Variants in PRPF6 observed in about 807,000 individuals in gnomAD.
PRPF6 encodes pre-mRNA processing factor 6.
In PRPF6, 42 loss-of-function variants were observed where a neutral mutation model predicts 118.3. The observed-to-expected ratio is 0.35, with a 90% CI of 0.28 to 0.46. The LOEUF is 0.46. Among genes scored for constraint, PRPF6 ranks in the 20% least tolerant of loss-of-function variants. The pLI, the probability that PRPF6 is intolerant of heterozygous loss-of-function variation, is 1.00. For synonymous variants in PRPF6, 481 were observed against 485.1 expected (o/e 0.99, Z 0.11); for missense variants, 662 against 1,255.7 (o/e 0.53, Z 7.15).
chr20:64,001,232 T>C lies in PRPF6; in HGVS notation c.1179T>C (p.Leu393=), dbSNP rs144549836. 7 of 1,614,102 alleles carry C rather than the reference T, an allele frequency of 4.3e-6. No homozygotes were observed. In the African/African-American group the frequency reaches 8.0e-5, roughly 18 times the overall value. ...ETDIRAKKRV[L]RKALEHVPNS... is the part of the protein sequence containing the mutation. ...ACATTCGTGCAAAGAAGCGGGTTCT[T>C]CGGAAAGGTGAGCCTCCCTCGGAGG... Residue 393 remains leucine, a synonymous_variant, in exon 9 of 21, where the codon CTT becomes CTC. Transcript: ENST00000266079.
Position 64,026,914 on chromosome 20 carries a change from A to T in PRPF6, c.2029-68A>T. 4 of 1,541,250 alleles carry T rather than the reference A, an allele frequency of 2.6e-6. No individual in the cohort carries two copies. The highest frequency in any genetic ancestry group is 3.6e-6 in the Non-Finnish European group (4 of 1,115,026). On this transcript the variant is annotated intron_variant, in intron 15 of 20. Coordinates refer to ENST00000266079, the MANE Select transcript of PRPF6 (RefSeq NM_012469.4). This position sits in a 1 kb window ranked among gnomAD's most constrained non-coding sequence, Gnocchi z 4.4. Reference sequence around the variant, plus strand: ...AGTACTGCAGGTAACAGTGTTGAGGATGAGTGTACCATGAAGCACGTACCC... The same window carrying T: ...AGTACTGCAGGTAACAGTGTTGAGGTTGAGTGTACCATGAAGCACGTACCC...
At chr20:63,995,743 A>G (rs915870110) in intron 6 of PRPF6, among the ~76,000 whole-genome samples, 11 of 149,722 alleles carry the variant, frequency 7.3e-5, no homozygotes, top group Admixed American at 5.3e-4. Context: ...TGCAACCTCC[A>G]CCTCCTGGGT....
rs1401717453 is a variant in PRPF6 at position 64,002,528 on chromosome 20, G to GT, written c.1186+1292dup. Among the ~76,000 whole-genome samples, 5 of 151,396 alleles carry GT rather than the reference G, an allele frequency of 3.3e-5. No homozygotes were observed. The East Asian group carries it at 9.7e-4, about 29-fold the overall frequency. On this transcript the variant is annotated intron_variant, in intron 9 of 20. Transcript: ENST00000266079. ...TTTTTGTATTTTTAGTAGAGATGGGGTTTCCCCATGTTGGCCGGGCTGGTC... is the reference window on the plus strand; with the variant it reads ...TTTTTGTATTTTTAGTAGAGATGGGGTTTTCCCCATGTTGGCCGGGCTGGTC...
At position 64,026,027 on chromosome 20, in the gene PRPF6, C is replaced by T. The variant is rs1472701137; in HGVS notation, c.1997C>T (p.Ala666Val). The T allele has an allele frequency of 1.2e-6, 2 of 1,609,566 alleles. No individual in the cohort carries two copies. Among genetic ancestry groups the T allele is most frequent in the Non-Finnish European group, 1.7e-6 (2 of 1,179,962 alleles). ...TACGAGCGGGCCCGGAGGCTGCTGG[C>T]CAAGGCGCGGAGCAGTGCCCCCACC... ...DEYERARRLLAKARSSAPTAR... is the reference protein window; with the variant it reads ...DEYERARRLLVKARSSAPTAR... The change falls in exon 15 of 21, where the codon GCC becomes GTC. Residue 666 changes from alanine to valine, a missense_variant. Ala to Val is a moderately conservative substitution (Grantham distance 64, BLOSUM62 0). This residue lies in a region of PRPF6 where 244 missense variants were observed against 383.7 expected (regional missense o/e 0.64). Coordinates refer to ENST00000266079, the MANE Select transcript of PRPF6 (RefSeq NM_012469.4). The surrounding 1 kb of genome is among the most constrained non-coding windows in gnomAD (Gnocchi z 4.4).
intron 9 of PRPF6, among the ~76,000 whole-genome samples, chr20:64,005,446 AAAC>A (rs1313774784): frequency 1.3e-5 from 2 of 152,158 alleles, no homozygotes; most frequent in East Asian, 3.8e-4. Context: ...CGCACAGGAA[AAAC>A]AACTGGGTCG....
intron 9 of PRPF6, among the ~76,000 whole-genome samples, chr20:64,008,908 T>C (rs1041756264): frequency 1.3e-5 from 2 of 152,222 alleles, no homozygotes; most frequent in Non-Finnish European, 2.9e-5. Flanking sequence ...CTCTGATCAT[T>C]GTCCAGTGGA....
At chr20:63,993,784 C>T (rs1218003556) in intron 4 of PRPF6, among the ~76,000 whole-genome samples, 1 of 151,076 alleles carries the variant, frequency 6.6e-6, no homozygotes, top group African/African-American at 2.4e-5. Flanking sequence ...CAGTCTGGCT[C>T]TGTTGCCCTG....
chr20:64,019,138 A>G (rs1448776253), intron 12 of PRPF6, among the ~76,000 whole-genome samples: 1 of 126,276 alleles, frequency 7.9e-6, no homozygotes, highest in Non-Finnish European at 1.6e-5. Context: ...TCTGTCTCCT[A>G]GGCTGGATGG....
chr20:64,030,834 TCCGTTTGGCAA>T (rs1219165893), intron 19 of PRPF6, among the ~76,000 whole-genome samples: 2 of 152,214 alleles, frequency 1.3e-5, no homozygotes, highest in African/African-American at 2.4e-5. Context: ...GTGAAATTAT[TCCGTTTGGCAA>T]CTGAGACGAA....
intron 8 of PRPF6, among the ~76,000 whole-genome samples, chr20:63,999,997 G>T (rs2059159419): frequency 6.6e-6 from 1 of 150,696 alleles, no homozygotes; most frequent in African/African-American, 2.4e-5. Context: ...TGTCACCCAG[G>T]CTGGAGTGCA....
Position 63,993,464 on chromosome 20 carries a change from A to G in PRPF6, c.417A>G (p.Gln139=), listed in dbSNP as rs151262895. ...EKYRMERPKI[Q]QQFSDLKRKL... ...ATCGTATGGAACGCCCCAAAATCCAACAGCAGTTCTCAGACCTCAAGGTGA... is the reference window on the plus strand; with the variant it reads ...ATCGTATGGAACGCCCCAAAATCCAGCAGCAGTTCTCAGACCTCAAGGTGA... Residue 139 remains glutamine (Q), a synonymous_variant, in exon 4 of 21, where the codon CAA becomes CAG. Transcript: ENST00000266079. The G allele has an allele frequency of 1.7e-4, 270 of 1,612,788 alleles. 1 individual carries two copies. The highest frequency in any genetic ancestry group is 2.2e-4 in the Non-Finnish European group (254 of 1,179,134).
chr20:64,031,375 ATTT>A (rs2059312991), intron 19 of PRPF6, among the ~76,000 whole-genome samples: 7 of 152,204 alleles, frequency 4.6e-5, no homozygotes, highest in Admixed American at 4.6e-4. Flanking sequence ...CTGCGTGTGA[ATTT>A]TTTAAGAAAC....
intron 3 of PRPF6, among the ~76,000 whole-genome samples, chr20:63,988,302 G>C (rs910571187): frequency 6.9e-6 from 1 of 144,408 alleles, no homozygotes; most frequent in African/African-American, 2.6e-5. Context: ...CCTGAGTGAC[G>C]GGGCAAGACT....
intron 9 of PRPF6, among the ~76,000 whole-genome samples, chr20:64,007,667 A>C (rs1298611219): frequency 6.6e-6 from 1 of 151,372 alleles, no homozygotes; most frequent in East Asian, 1.9e-4. Flanking sequence ...GGGTTTCGCC[A>C]TGTTGTCCAG....
rs1246773533 is a variant in PRPF6, at chr20:63,984,975, T to C, written c.309T>C (p.Ala103=). 2 of 1,613,764 alleles carry C rather than the reference T, an allele frequency of 1.2e-6. No individual in the cohort carries two copies. Among genetic ancestry groups the C allele is most frequent in the Admixed American group, 3.3e-5 (2 of 59,990 alleles). Residue 103 remains alanine (A), a synonymous_variant, in exon 3 of 21, where the codon GCT becomes GCC. Coordinates refer to ENST00000266079, the MANE Select transcript of PRPF6 (RefSeq NM_012469.4). ...AGAAAGATGATGAGGAAGCAGATGCTATCTATGCAGCCCTGGATAAAAGGA... is the reference window on the plus strand; with the variant it reads ...AGAAAGATGATGAGGAAGCAGATGCCATCTATGCAGCCCTGGATAAAAGGA... ...PYEKDDEEAD[A]IYAALDKRMD...
At position 64,018,666 on chromosome 20, in the gene PRPF6, ATGT is replaced by A. The variant is rs1449077267; in HGVS notation, c.1647+1825_1647+1827del. ...TTTTTTGTAGAAACAGTATCTCACT[ATGT>A]TGTCCAGGCTGGTTTCGAACTCCTG... On this transcript the variant is annotated intron_variant, in intron 12 of 20. Transcript: ENST00000266079. Among the ~76,000 whole-genome samples the A allele has an allele frequency of 3.3e-5, 5 of 152,028 alleles. No individual in the cohort carries two copies. In the East Asian group the frequency reaches 9.6e-4, roughly 29 times the overall value.
chr20:63,989,863 G>A (rs951475894), intron 3 of PRPF6, among the ~76,000 whole-genome samples: 5 of 152,058 alleles, frequency 3.3e-5, no homozygotes, highest in African/African-American at 7.2e-5. Flanking sequence ...TATGTAGAAT[G>A]TTTTATTTTT....
intron 11 of PRPF6, among the ~76,000 whole-genome samples, chr20:64,014,753 C>G (rs1020296884): frequency 8.5e-5 from 13 of 152,214 alleles, no homozygotes; most frequent in Non-Finnish European, 1.5e-5. Context: ...GTCAAACATG[C>G]TCAGAACACC....
chr20:64,005,524 G>C (rs1426879277), intron 9 of PRPF6, among the ~76,000 whole-genome samples: 2 of 152,074 alleles, frequency 1.3e-5, no homozygotes, highest in African/African-American at 4.8e-5. Flanking sequence ...CTTTACTGCT[G>C]TGCCCTCTGC....
Sources: allele counts gnomAD v4.1 joint callset (sites outside exome capture counted in the v4.1 genomes callset), GRCh38; gene constraint gnomAD v4.1.1; regional missense constraint gnomAD v4.1.1; non-coding constraint Gnocchi (gnomAD v3.1); transcripts MANE v1.5; gene names NCBI Gene and HGNC (gene_info 2026-07-23, HGNC 2026-07-21).